The following SLC35F4 variants were observed in gnomAD, a reference collection of about 807,000 sequenced individuals.
SLC35F4 encodes the protein chromosome 14 open reading frame 36.
SLC35F4 carries 24 observed loss-of-function variants against 44.2 expected under a neutral mutation model. That is an observed-to-expected ratio of 0.54 (90% CI 0.39 to 0.76). SLC35F4 has a LOEUF of 0.76. Among genes scored for constraint, SLC35F4 ranks in the 30% least tolerant of loss-of-function variants. SLC35F4 has a pLI of 0.00. For missense variants in SLC35F4, 562 were observed against 586.1 expected (o/e 0.96, Z 0.42); for synonymous variants, 238 against 223.6 (o/e 1.06, Z -0.57).
chr14:57,749,109 T>G lies in SLC35F4; in HGVS notation c.103+116614A>C, dbSNP rs192486722. ...CTAATAGATATGCCTGACATCAATA[T>G]TCAACTCCGTGATGCCAAGAATTAT... On this transcript the variant is annotated intron_variant, in intron 1 of 7. Transcript: ENST00000556826. 3.9e-5 allele frequency among the ~76,000 whole-genome samples: 6 copies of G among 152,286 alleles called. No individual in the cohort carries two copies. The East Asian group carries it at 1.2e-3, about 29-fold the overall frequency.
At chr14:57,688,849 C>T (rs191356892) in intron 1 of SLC35F4, among the ~76,000 whole-genome samples, 64 of 152,188 alleles carry the variant, frequency 4.2e-4, no homozygotes, top group African/African-American at 1.4e-3. Flanking sequence ...TCATTATTTA[C>T]CATTGTAAAT....
At position 57,938,762 on chromosome 14, in the gene SLC35F4, T is replaced by C. The variant is rs562616751; in HGVS notation, n.282+43151A>G. Among the ~76,000 whole-genome samples, 9 of 152,284 alleles carry C rather than the reference T, an allele frequency of 5.9e-5. No homozygotes were observed. The South Asian group carries it at 1.5e-3, about 25-fold the overall frequency. ...TTCTGTGGCTGCGGCTACTGCTATGTAAACCATGCTTTTAGCCGCAAGACC... is the reference window on the plus strand; with the variant it reads ...TTCTGTGGCTGCGGCTACTGCTATGCAAACCATGCTTTTAGCCGCAAGACC... On this transcript the variant is annotated intron_variant and non_coding_transcript_variant, in intron 1 of 1. Coordinates refer to the SLC35F4 transcript ENST00000556568.
intron 1 of SLC35F4, among the ~76,000 whole-genome samples, chr14:57,923,112 G>A (rs1889474327): frequency 2.0e-5 from 3 of 152,122 alleles, no homozygotes; most frequent in South Asian, 4.1e-4. Flanking sequence ...CCAAGATGAT[G>A]CATCTAATAA....
chr14:57,733,651 T>C lies in SLC35F4; in HGVS notation c.103+132072A>G, dbSNP rs546279905. 3.3e-5 allele frequency among the ~76,000 whole-genome samples: 5 copies of C among 152,202 alleles called. No homozygotes were observed. The South Asian group carries it at 8.3e-4, about 25-fold the overall frequency. ...TGGATAGCATTAAAGAAAAATATTT[T>C]ATGTTAAAATGCAAAAGCTGAATTT... On this transcript the variant is annotated intron_variant, in intron 1 of 7. Transcript: ENST00000556826.
chr14:57,851,336 T>C (rs1252230484), intron 1 of SLC35F4, among the ~76,000 whole-genome samples: 2 of 152,230 alleles, frequency 1.3e-5, no homozygotes, highest in Non-Finnish European at 2.9e-5. Flanking sequence ...ACTTGTGAAG[T>C]AAACTTCCAA....
chr14:57,590,093 T>TA (rs917001576), intron 2 of SLC35F4, among the ~76,000 whole-genome samples: 3 of 150,552 alleles, frequency 2.0e-5, no homozygotes, highest in South Asian at 2.1e-4. Context: ...TTTTTTTTTT[T>TA]ACGTTATAGC....
At chr14:57,800,179 T>C (rs1259621550) in intron 1 of SLC35F4, among the ~76,000 whole-genome samples, 1 of 152,172 alleles carries the variant, frequency 6.6e-6, no homozygotes, top group Non-Finnish European at 1.5e-5. Context: ...CTTTGCTCTT[T>C]CACAGCCTTC....
intron 1 of SLC35F4, among the ~76,000 whole-genome samples, chr14:57,810,067 T>C (rs1429930102): frequency 1.3e-5 from 2 of 152,236 alleles, no homozygotes; most frequent in African/African-American, 4.8e-5. Flanking sequence ...CAACTCAGTA[T>C]TGAAATATGT....
intron 1 of SLC35F4, among the ~76,000 whole-genome samples, chr14:57,955,514 A>G (rs907178098): frequency 6.6e-6 from 1 of 152,342 alleles, no homozygotes; most frequent in South Asian, 2.1e-4. Context: ...CTGTTTGCAG[A>G]TTACATGATT....
chr14:57,748,712 A>T (rs1594952789), intron 1 of SLC35F4, among the ~76,000 whole-genome samples: 1 of 152,296 alleles, frequency 6.6e-6, no homozygotes, highest in South Asian at 2.1e-4. Context: ...ATTAAGGTAC[A>T]ATTAGAATTG....
intron 7 of SLC35F4, 82 bp from the exon 8 acceptor site, chr14:57,564,458 C>A: frequency 3.3e-6 from 5 of 1,500,144 alleles, no homozygotes; most frequent in Non-Finnish European, 1.8e-6. Context: ...CATGTTACTT[C>A]TAGAGATTTC....
intron 1 of SLC35F4, among the ~76,000 whole-genome samples, chr14:57,823,702 T>A (rs1349778223): frequency 6.6e-6 from 1 of 152,332 alleles, no homozygotes; most frequent in East Asian, 1.9e-4. Context: ...CTGGTCTTAA[T>A]AGATAGGTGT....
chr14:57,859,816 T>C (rs1394904223), intron 1 of SLC35F4, among the ~76,000 whole-genome samples: 1 of 152,154 alleles, frequency 6.6e-6, no homozygotes, highest in Non-Finnish European at 1.5e-5. Context: ...GGGCAGAAGC[T>C]GAGGATAACT....
chr14:57,851,083 A>T (rs1207794617), intron 1 of SLC35F4, among the ~76,000 whole-genome samples: 2 of 152,176 alleles, frequency 1.3e-5, no homozygotes, highest in African/African-American at 2.4e-5. Flanking sequence ...CTCCCAGCAC[A>T]TTGAAGAAAA....
At chr14:57,590,388 G>A (rs998266803) in intron 2 of SLC35F4, among the ~76,000 whole-genome samples, 5 of 151,938 alleles carry the variant, frequency 3.3e-5, no homozygotes, top group Admixed American at 3.3e-4. Flanking sequence ...AGGAGACCCA[G>A]TCTCTAAAAA....
chr14:57,589,329 G>A lies in SLC35F4; in HGVS notation c.474C>T (p.Cys158=), dbSNP rs1390185023. 11 of 1,613,932 alleles carry A rather than the reference G, an allele frequency of 6.8e-6. No homozygotes were observed. The East Asian group carries it at 2.2e-4, about 33-fold the overall frequency. The part of the protein sequence containing the change: ...IVKITYKNFY[C]PFFMTWFSTN... ...TTGAAAACCAAGTCATGAAAAATGG[G>A]CAATAGAAGTTCTTATAAGTAATTT... is the stretch of plus-strand genomic sequence containing the variant. Residue 158 remains cysteine, a synonymous_variant, in exon 3 of 8, where the codon TGC becomes TGT. Coordinates refer to ENST00000556826, the MANE Select transcript of SLC35F4 (RefSeq NM_001306087.2).
intron 1 of SLC35F4, among the ~76,000 whole-genome samples, chr14:57,723,917 C>A (rs1594888954): frequency 6.6e-6 from 1 of 152,154 alleles, no homozygotes; most frequent in Non-Finnish European, 1.5e-5. Context: ...GGAAATAAAA[C>A]CAACTAAAAT....
chr14:57,634,584 G>A (rs867084843), intron 1 of SLC35F4, among the ~76,000 whole-genome samples: 21 of 152,256 alleles, frequency 1.4e-4, no homozygotes, highest in African/African-American at 4.8e-4. Context: ...TGCAGTGAGT[G>A]AGCGAGGAAT....
intron 1 of SLC35F4, among the ~76,000 whole-genome samples, chr14:57,727,960 G>A (rs1016763790): frequency 6.6e-6 from 1 of 152,160 alleles, no homozygotes. Flanking sequence ...TGGGAGATCT[G>A]TTCAGTGCTG....
Sources: allele counts gnomAD v4.1 joint callset (sites outside exome capture counted in the v4.1 genomes callset), GRCh38; gene constraint gnomAD v4.1.1; transcripts MANE v1.5; gene names NCBI Gene and HGNC (gene_info 2026-07-23, HGNC 2026-07-21).